Variants in TSC1 observed in about 807,000 individuals in gnomAD.
TSC1 encodes the protein TSC complex subunit 1, also known as hamartin.
In TSC1, 20 loss-of-function variants were observed where a neutral mutation model predicts 124.3. The ratio of observed to expected loss-of-function variants is 0.16; its 90% CI spans 0.11 to 0.23. TSC1 has a LOEUF of 0.23. Among genes scored for constraint, TSC1 ranks in the 10% least tolerant of loss-of-function variants. The pLI, the probability that TSC1 is intolerant of heterozygous loss-of-function variation, is 1.00. For synonymous variants in TSC1, 493 were observed against 539.1 expected, an observed-to-expected ratio of 0.91 and a Z score of 1.19; for missense variants, 1,124 against 1,448.5, an observed-to-expected ratio of 0.78 and a Z score of 3.64.
chr9:132,913,455 T>TA (rs1846076069), intron 8 of TSC1, among the ~76,000 whole-genome samples: 1 of 152,214 alleles, frequency 6.6e-6, no homozygotes, highest in Admixed American at 6.5e-5. Flanking sequence ...TAATAATAGT[T>TA]ATTCTATAGA....
intron 2 of TSC1, among the ~76,000 whole-genome samples, chr9:132,934,051 T>G (rs552027378): frequency 6.6e-6 from 1 of 152,326 alleles, no homozygotes; most frequent in African/African-American, 2.4e-5. Flanking sequence ...TATGAACCAA[T>G]GTAGAGCTGT....
At chr9:132,913,366 T>C (rs1846068673) in intron 8 of TSC1, among the ~76,000 whole-genome samples, 1 of 152,356 alleles carries the variant, frequency 6.6e-6, no homozygotes, top group South Asian at 2.1e-4. Flanking sequence ...CAAAAGTTCC[T>C]TTGTGCCCTT....
intron 20 of TSC1, chr9:132,900,121 T>C (rs1431041733): frequency 6.2e-6 from 1 of 161,070 alleles, no homozygotes; most frequent in African/African-American, 2.4e-5. Context: ...CCATGTGTGA[T>C]GGAGAAGTTA....
chr9:132,916,891 T>G (rs1846294116), intron 8 of TSC1, among the ~76,000 whole-genome samples: 1 of 152,218 alleles, frequency 6.6e-6, no homozygotes, highest in Non-Finnish European at 1.5e-5. Flanking sequence ...GGCCCCAGTC[T>G]CCTGGATTCG....
chr9:132,914,933 T>C (rs1487613011), intron 8 of TSC1, among the ~76,000 whole-genome samples: 2 of 151,930 alleles, frequency 1.3e-5, no homozygotes, highest in African/African-American at 4.8e-5. Flanking sequence ...CCCAGCACTA[T>C]GGGAGGCCAA....
At chr9:132,922,548 T>A (rs1846625907) in intron 6 of TSC1, among the ~76,000 whole-genome samples, 1 of 152,174 alleles carries the variant, frequency 6.6e-6, no homozygotes, top group African/African-American at 2.4e-5. Context: ...CTTAAAGAAC[T>A]AAGAGTGAAA....
chr9:132,943,977 C>A (rs1294757511), intron 1 of TSC1: 1 of 152,240 alleles, frequency 6.6e-6, no homozygotes, highest in East Asian at 1.9e-4. Context: ...CTGTCTTTCA[C>A]CACCAATTAA....
rs1554819580 is a variant in TSC1 at position 132,921,934 on chromosome 9, C to G, written c.548G>C (p.Ser183Thr). 1 of 1,614,188 alleles carries G rather than the reference C, an allele frequency of 6.2e-7. No individual in the cohort carries two copies. Among genetic ancestry groups the G allele is most frequent in the South Asian group, 1.1e-5 (1 of 91,080 alleles). The change falls in exon 7 of 23, where the codon AGT becomes ACT. Residue 183 changes from serine (S) to threonine (T), a missense_variant. Ser to Thr is a moderately conservative substitution (Grantham distance 58). Coordinates refer to ENST00000298552, the MANE Select transcript of TSC1 (RefSeq NM_000368.5). This position sits in a 1 kb window ranked among gnomAD's most constrained non-coding sequence, Gnocchi z 4.3. The stretch of plus-strand genomic sequence containing the variant: ...AAGGCGATGAAAGAGTGCGTACACA[C>G]TGGCATGGAGATGGACGAGATAGAC... ...AEVYLVHLHA[S>T]VYALFHRLYG... is the part of the protein sequence containing the mutation.
intron 2 of TSC1, among the ~76,000 whole-genome samples, chr9:132,929,760 A>AC (rs147862760): frequency 0.018 from 2,741 of 152,338 alleles, 96 homozygotes; most frequent in African/African-American, 0.063. Flanking sequence ...ACATCATTGT[A>AC]TATACTCCTA....
At position 132,892,444 on chromosome 9, in the gene TSC1, G is replaced by A. The variant is rs989887369; in HGVS notation, c.*3791C>T. The A allele has an allele frequency of 1.5e-4, 36 of 233,210 alleles. No individual in the cohort carries two copies. The highest frequency in any genetic ancestry group is 6.2e-4 in the African/African-American group (28 of 45,346). 14.4% of individuals were successfully genotyped at this position (233,210 alleles called of 1,614,324 possible). On this transcript the variant is annotated 3_prime_UTR_variant, in exon 23 of 23. Coordinates refer to ENST00000298552, the MANE Select transcript of TSC1 (RefSeq NM_000368.5). ...TACCCTGGAGAGTGAAGGTGCAGCA[G>A]ATAGGTATACTGATTTGAGTCACTC...
intron 1 of TSC1, among the ~76,000 whole-genome samples, chr9:132,936,849 A>AC (rs1047767448): frequency 1.3e-5 from 2 of 152,220 alleles, no homozygotes; most frequent in African/African-American, 2.4e-5. Context: ...ACACCTAATT[A>AC]CCCTAAACAT....
chr9:132,945,007 T>C (rs991273406), upstream of TSC1, among the ~76,000 whole-genome samples: 14 of 151,734 alleles, frequency 9.2e-5, no homozygotes, highest in Non-Finnish European at 1.6e-4. Flanking sequence ...TGGCGGCGCC[T>C]GGGTGTGGTT....
At position 132,921,580 on chromosome 9, in the gene TSC1, G is replaced by C. The variant is rs1417735254; in HGVS notation, c.664-144C>G. On this transcript the variant is annotated intron_variant, in intron 7 of 22. Coordinates refer to ENST00000298552, the MANE Select transcript of TSC1 (RefSeq NM_000368.5). The surrounding 1 kb of genome is among the most constrained non-coding windows in gnomAD (Gnocchi z 4.3). ...GAACCTTGAGAACATTATACTGAGT[G>C]AAAGAAGCCAGTCACAAAAGACCAC... The C allele has an allele frequency of 1.8e-6, 2 of 1,093,022 alleles. No homozygotes were observed. The highest frequency in any genetic ancestry group is 2.7e-6 in the Non-Finnish European group (2 of 730,124). 67.7% of individuals were successfully genotyped at this position (1,093,022 alleles called of 1,614,324 possible).
rs1588287655 is a variant in TSC1 at position 132,896,624 on chromosome 9, C to T, written c.3106G>A (p.Gly1036Arg). 1 of 1,613,770 alleles carries T rather than the reference C, an allele frequency of 6.2e-7. No individual in the cohort carries two copies. The highest frequency in any genetic ancestry group is 1.3e-5 in the African/African-American group (1 of 75,018). The change falls in exon 23 of 23, where the codon GGA (glycine) becomes AGA (arginine). Residue 1036 changes from glycine (G) to arginine (R), a missense_variant. Physicochemically the swap from Gly to Arg is moderately radical, Grantham distance 125. Transcript: ENST00000298552. The surrounding 1 kb of genome is among the most constrained non-coding windows in gnomAD (Gnocchi z 4.5). ...ARGSSGSRGG[G>R]GSSSSSSELS... ...TCGCTGCTGCTGCTGCTGCTGCCTC[C>T]ACCACCTCTGCTTCCACTACTGCCC...
chr9:132,937,304 G>A (rs1234607646), intron 1 of TSC1, among the ~76,000 whole-genome samples: 43 of 152,338 alleles, frequency 2.8e-4, no homozygotes, highest in Admixed American at 2.7e-3. Context: ...CTAGCCAGGC[G>A]TGGTGGCACA....
In TSC1 at chr9:132,911,552, G is replaced by A. The variant is rs759004332; in HGVS notation, c.930C>T (p.Thr310=). The A allele has an allele frequency of 5.0e-6, 8 of 1,607,464 alleles. No individual in the cohort carries two copies. The South Asian group carries it at 8.8e-5, about 18-fold the overall frequency. ...ACATCAGCCGAGACGTGGAGTAAGG[G>A]GTAGAAGTAGCACACCCTAAAATGG... ...TQNSYGCATS[T]PYSTSRLMLL... Residue 310 remains threonine (T), a synonymous_variant, in exon 10 of 23, where the codon ACC becomes ACT. Transcript: ENST00000298552.
intron 20 of TSC1, 79 bp from the exon 21 acceptor site, chr9:132,897,689 G>C (rs1845163520): frequency 6.5e-7 from 1 of 1,543,142 alleles, no homozygotes; most frequent in East Asian, 2.2e-5. Flanking sequence ...AAAAGACAAT[G>C]TAAGAAGGAC....
chr9:132,909,340 C>T (rs1845827147), intron 12 of TSC1, among the ~76,000 whole-genome samples: 1 of 152,166 alleles, frequency 6.6e-6, no homozygotes, highest in South Asian at 2.1e-4. Context: ...ATATCAAAAA[C>T]TCAAATTACT....
Position 132,906,029 on chromosome 9 carries a change from G to A in TSC1, c.1549C>T (p.Arg517Trp), listed in dbSNP as rs1243886871. 1.2e-6 allele frequency: 2 copies of A among 1,614,104 alleles called. No individual in the cohort carries two copies. The highest frequency in any genetic ancestry group is 1.7e-4 in the Middle Eastern group (1 of 6,048). ...CTGGAGGCTGCCGAGTGGGTCTTCCGCTGAGAACCTGGGAGACTGTCTCGG... is the reference window on the plus strand; with the variant it reads ...CTGGAGGCTGCCGAGTGGGTCTTCCACTGAGAACCTGGGAGACTGTCTCGG... ...FYRDSLPGSQ[R>W]KTHSAASSSQ... is the part of the protein sequence containing the mutation. The change falls in exon 15 of 23, where the codon CGG becomes TGG. Residue 517 changes from arginine to tryptophan, a missense_variant. Around this residue, in one of 5 missense-constraint regions of TSC1, gnomAD observed 321 missense variants for 397.4 expected, o/e 0.81. Transcript: ENST00000298552. This position sits in a 1 kb window ranked among gnomAD's most constrained non-coding sequence, Gnocchi z 4.1.
Sources: allele counts gnomAD v4.1 joint callset (sites outside exome capture counted in the v4.1 genomes callset), GRCh38; gene constraint gnomAD v4.1.1; regional missense constraint gnomAD v4.1.1; non-coding constraint Gnocchi (gnomAD v3.1); transcripts MANE v1.5; gene names NCBI Gene and HGNC (gene_info 2026-07-23, HGNC 2026-07-21).